The following NDUFAF7 variants were observed in gnomAD, a reference collection of about 807,000 sequenced individuals.
NDUFAF7 encodes the protein NADH:ubiquinone oxidoreductase complex assembly factor 7.
In NDUFAF7, 48 loss-of-function variants were observed where a neutral mutation model predicts 47.2. That is an observed-to-expected ratio of 1.02 (90% CI 0.81 to 1.29). The LOEUF is 1.29. Ranked by LOEUF, NDUFAF7 falls within the 50% of genes most tolerant of loss-of-function variation. NDUFAF7 has a pLI of 0.00. For missense variants in NDUFAF7, 635 were observed against 537.6 expected (o/e 1.18, Z -1.79); for synonymous variants, 217 against 190.0 (o/e 1.14, Z -1.17).
Position 37,248,353 on chromosome 2 carries a change from T to C in NDUFAF7, c.*3T>C, listed in dbSNP as rs948451657. On this transcript the variant is annotated 3_prime_UTR_variant, in exon 10 of 10. Transcript: ENST00000002125. Reference sequence around the variant, plus strand: ...TTAGTGAACTTGCTTGGCAGTGATATTTCAGCTTGGACATTTTACCCTTCA... The same window carrying C: ...TTAGTGAACTTGCTTGGCAGTGATACTTCAGCTTGGACATTTTACCCTTCA... 13 of 1,612,508 alleles carry C rather than the reference T, an allele frequency of 8.1e-6. No homozygotes were observed. The Admixed American group carries it at 1.8e-4, about 23-fold the overall frequency.
chr2:37,255,901 C>A (rs1333298250), downstream of NDUFAF7, among the ~76,000 whole-genome samples: 2 of 152,034 alleles, frequency 1.3e-5, no homozygotes, highest in Admixed American at 1.3e-4. Flanking sequence ...ATCATCCCAC[C>A]TAGTCAGGAG....
chr2:37,247,483 G>A lies in NDUFAF7; in HGVS notation c.964G>A (p.Val322Ile), dbSNP rs1667051939. Residue 322 changes from valine to isoleucine, a missense_variant, in exon 9 of 10, where the codon GTC becomes ATC. By Grantham distance (29) the Val-to-Ile change is conservative. Coordinates refer to ENST00000002125, the MANE Select transcript of NDUFAF7 (RefSeq NM_144736.5). ...RGFCDHKLHD[V>I]LIAPGTADLT... ...GTTTTGCGACCACAAGCTTCATGAT[G>A]TCTTAATTGCCCCAGGAACAGCAGA... 6.2e-7 allele frequency: 1 copy of A among 1,613,986 alleles called. No homozygotes were observed. The highest frequency in any genetic ancestry group is 8.5e-7 in the Non-Finnish European group (1 of 1,179,946).
At chr2:37,240,845 G>A (rs1159348594) in intron 4 of NDUFAF7, among the ~76,000 whole-genome samples, 1 of 152,086 alleles carries the variant, frequency 6.6e-6, no homozygotes, top group African/African-American at 2.4e-5. Context: ...TTTCTCCTGG[G>A]AAGTTTTTCC....
chr2:37,259,031 G>C, the NDUFAF7 span, among the ~76,000 whole-genome samples: 1 of 145,132 alleles, frequency 6.9e-6, no homozygotes, highest in Non-Finnish European at 1.5e-5. Flanking sequence ...AATAAATTTA[G>C]TGGATCAAGA....
chr2:37,268,232 G>C, the NDUFAF7 span: 1 of 447,324 alleles, frequency 2.2e-6, no homozygotes, highest in South Asian at 1.7e-5. Flanking sequence ...TTGTCTCAAT[G>C]GCACAATCGT....
chr2:37,238,498 C>T (rs1397324184), intron 4 of NDUFAF7, among the ~76,000 whole-genome samples: 2 of 151,034 alleles, frequency 1.3e-5, no homozygotes, highest in Non-Finnish European at 2.9e-5. Flanking sequence ...TGCCTGTAAT[C>T]GTAGCACTTT....
At chr2:37,247,377 TA>T in intron 8 of NDUFAF7, 78 bp from the exon 9 acceptor site, 1 of 1,508,890 alleles carries the variant, frequency 6.6e-7, no homozygotes, top group Non-Finnish European at 9.2e-7. Context: ...ATGTAAATAT[TA>T]AATAACTTTA....
chr2:37,240,531 A>G (rs1666240849), intron 4 of NDUFAF7, among the ~76,000 whole-genome samples: 1 of 152,014 alleles, frequency 6.6e-6, no homozygotes, highest in East Asian at 1.9e-4. Context: ...ACATATGACA[A>G]ATAAGAATCT....
the NDUFAF7 span, among the ~76,000 whole-genome samples, chr2:37,263,986 A>G: frequency 3.9e-5 from 6 of 152,310 alleles, no homozygotes; most frequent in South Asian, 1.2e-3. Flanking sequence ...TTTTCTAATT[A>G]CATAGGTACC....
chr2:37,251,968 T>C, downstream of NDUFAF7: 1 of 152,186 alleles, frequency 6.6e-6, no homozygotes, highest in East Asian at 1.9e-4. Context: ...TCTTAAACTT[T>C]GGGGAAGATA....
chr2:37,253,199 T>G, downstream of NDUFAF7: 3 of 1,604,652 alleles, frequency 1.9e-6, no homozygotes, highest in Non-Finnish European at 2.6e-6. Flanking sequence ...TTCCATATCA[T>G]CTGGATTAGG....
the NDUFAF7 span, chr2:37,269,568 G>GT: frequency 1.3e-6 from 2 of 1,512,280 alleles, no homozygotes; most frequent in South Asian, 2.2e-5. Context: ...ACATTTTCCA[G>GT]TTTTTAAAAT....
the NDUFAF7 span, chr2:37,268,382 C>G: frequency 2.1e-6 from 1 of 470,208 alleles, no homozygotes; most frequent in Non-Finnish European, 4.4e-6. Context: ...TCTGAAGTTG[C>G]AAACCATAGA....
rs1667128986 is a variant in NDUFAF7, at chr2:37,248,233, C to A, written c.1209C>A (p.Asn403Lys). Reference sequence around the variant, plus strand: ...CAAAGAAGATGGGAGAGAGATTTAACTTTTTTGCCTTGCTACCTCATCAGA... The same window carrying A: ...CAAAGAAGATGGGAGAGAGATTTAAATTTTTTGCCTTGCTACCTCATCAGA... ...MNPKKMGERFNFFALLPHQRL... is the reference protein window; with the variant it reads ...MNPKKMGERFKFFALLPHQRL... The change falls in exon 10 of 10, where the codon AAC (asparagine) becomes AAA (lysine). Residue 403 changes from asparagine to lysine, a missense_variant. Asn to Lys is a moderately conservative substitution (Grantham distance 94). Transcript: ENST00000002125. The A allele has an allele frequency of 2.5e-6, 4 of 1,613,902 alleles. 1 individual carries two copies. The highest frequency in any genetic ancestry group is 3.3e-4 in the Middle Eastern group (2 of 6,060).
At chr2:37,244,791 T>G (rs181913700) in intron 7 of NDUFAF7, among the ~76,000 whole-genome samples, 12 of 152,304 alleles carry the variant, frequency 7.9e-5, no homozygotes, top group Middle Eastern at 6.8e-3. Flanking sequence ...TGAACACTTA[T>G]GAACACCTGT....
At chr2:37,243,794 A>G in intron 6 of NDUFAF7, 69 bp from the exon 7 acceptor site, 2 of 1,159,594 alleles carry the variant, frequency 1.7e-6, no homozygotes, top group Non-Finnish European at 2.6e-6. Context: ...AGAAAAAGCT[A>G]TTTTTGGTAG....
the NDUFAF7 span, among the ~76,000 whole-genome samples, chr2:37,262,208 T>G: frequency 6.6e-6 from 1 of 152,220 alleles, no homozygotes; most frequent in Admixed American, 6.5e-5. Context: ...TCACATGTTT[T>G]TGGCCTATGT....
Position 37,248,252 on chromosome 2 carries a change from C to T in NDUFAF7, c.1228C>T (p.His410Tyr), listed in dbSNP as rs768964192. 6.2e-7 allele frequency: 1 copy of T among 1,614,004 alleles called. No homozygotes were observed. Among genetic ancestry groups the T allele is most frequent in the East Asian group, 2.2e-5 (1 of 44,870 alleles). The change falls in exon 10 of 10, where the codon CAT becomes TAT. Residue 410 changes from histidine to tyrosine, a missense_variant. By Grantham distance (83) the His-to-Tyr change is moderately conservative. Coordinates refer to ENST00000002125, the MANE Select transcript of NDUFAF7 (RefSeq NM_144736.5). ...ERFNFFALLP[H>Y]QRLQGGRYQR... ...ATTTAACTTTTTTGCCTTGCTACCT[C>T]ATCAGAGACTTCAAGGTGGAAGATA...
At chr2:37,255,140 GGAGGTC>G (rs1425005734), downstream of NDUFAF7, among the ~76,000 whole-genome samples, 1 of 152,152 alleles carries the variant, frequency 6.6e-6, no homozygotes, top group Non-Finnish European at 1.5e-5. Flanking sequence ...CACTGCCTCA[GGAGGTC>G]TGAGATAACA....
Sources: gnomAD v4.1 joint callset for allele counts (sites outside exome capture counted in the v4.1 genomes callset) on GRCh38, gnomAD v4.1.1 for gene constraint, MANE v1.5 for transcripts, NCBI Gene and HGNC (gene_info 2026-07-23, HGNC 2026-07-21) for gene names.